The following FHIT variants were observed in gnomAD, a reference collection of about 807,000 sequenced individuals.
The protein encoded by FHIT is bis(5'-adenosyl)-triphosphatase.
FHIT carries 19 observed loss-of-function variants against 17.9 expected under a neutral mutation model. The observed-to-expected ratio is 1.06, with a 90% CI of 0.74 to 1.56. FHIT has a LOEUF of 1.56. Ranked by LOEUF, FHIT falls within the 40% of genes most tolerant of loss-of-function variation. The pLI, the probability that FHIT is intolerant of heterozygous loss-of-function variation, is 0.00. For synonymous variants in FHIT, 81 were observed against 69.7 expected (o/e 1.16, Z -0.81); for missense variants, 248 against 189.2 (o/e 1.31, Z -1.82).
At chr3:60,127,673 C>T (rs1443238526) in intron 5 of FHIT, among the ~76,000 whole-genome samples, 1 of 152,108 alleles carries the variant, frequency 6.6e-6, no homozygotes, top group Admixed American at 6.6e-5. Context: ...ATGATCTAGG[C>T]CCACTGTAGC....
At chr3:61,014,778 T>C (rs1429018664) in intron 3 of FHIT, among the ~76,000 whole-genome samples, 2 of 17,364 alleles carry the variant, frequency 1.2e-4, no homozygotes, top group East Asian at 1.2e-3. Flanking sequence ...AGACTCTGCC[T>C]CAAAAAAAAA....
At chr3:60,145,239 G>A (rs1453869768) in intron 5 of FHIT, among the ~76,000 whole-genome samples, 1 of 152,028 alleles carries the variant, frequency 6.6e-6, no homozygotes, top group Non-Finnish European at 1.5e-5. Flanking sequence ...GAATACACAA[G>A]GTTTTTTGTC....
At position 60,743,051 on chromosome 3, in the gene FHIT, C is replaced by T. The variant is rs2042271036; in HGVS notation, c.-18+78868G>A. 3.3e-5 allele frequency among the ~76,000 whole-genome samples: 5 copies of T among 152,290 alleles called. No individual in the cohort carries two copies. The South Asian group carries it at 1.0e-3, about 32-fold the overall frequency. The stretch of plus-strand genomic sequence containing the variant: ...GAGAGTTCACCCTTGCTCCCTCTGG[C>T]GGGAATCAGCAGAACAGAGCGGGAG... On this transcript the variant is annotated intron_variant, in intron 4 of 9. Coordinates refer to ENST00000492590, the MANE Select transcript of FHIT (RefSeq NM_002012.4).
intron 5 of FHIT, among the ~76,000 whole-genome samples, chr3:60,448,266 T>A (rs532214064): frequency 7.2e-5 from 11 of 152,148 alleles, no homozygotes; most frequent in Admixed American, 3.9e-4. Context: ...GGTATCAAGT[T>A]TGGCACACAT....
intron 4 of FHIT, among the ~76,000 whole-genome samples, chr3:60,554,786 T>A (rs1239512915): frequency 1.3e-5 from 2 of 152,232 alleles, no homozygotes; most frequent in African/African-American, 4.8e-5. Flanking sequence ...TACAACATAA[T>A]AATTACTATT....
At chr3:60,423,661 C>A (rs1702557654) in intron 5 of FHIT, among the ~76,000 whole-genome samples, 1 of 152,040 alleles carries the variant, frequency 6.6e-6, no homozygotes, top group African/African-American at 2.4e-5. Flanking sequence ...GCATTTAAGG[C>A]AATGGCGCAA....
At position 60,923,920 on chromosome 3, in the gene FHIT, C is replaced by A. The variant is rs188169971; in HGVS notation, c.-110-101909G>T. On this transcript the variant is annotated intron_variant, in intron 3 of 9. Transcript: ENST00000492590. Reference sequence around the variant, plus strand: ...CACATCAGGAGATTATATCCTGCACCTGGCTAGGAGGGTCCTACGCCCATG... The same window carrying A: ...CACATCAGGAGATTATATCCTGCACATGGCTAGGAGGGTCCTACGCCCATG... 1.4e-4 allele frequency among the ~76,000 whole-genome samples: 22 copies of A among 152,332 alleles called. 1 individual carries two copies. The highest frequency in any genetic ancestry group is 2.0e-4 in the Admixed American group (3 of 15,306).
At chr3:60,149,984 GCCTTT>G (rs771876705) in intron 5 of FHIT, among the ~76,000 whole-genome samples, 2 of 78,370 alleles carry the variant, frequency 2.6e-5, no homozygotes, top group African/African-American at 4.8e-5. Context: ...AAACCTTTAA[GCCTTT>G]TTTTTTTTTT....
In FHIT at chr3:60,767,041, C is replaced by T. The variant is rs529133026; in HGVS notation, c.-18+54878G>A. On this transcript the variant is annotated intron_variant, in intron 4 of 9. Transcript: ENST00000492590. Reference sequence around the variant, plus strand: ...CTTCAGTTCTTTACTCCAGCATTTCCCACATTTAACTCATCGCTGACCCAT... The same window carrying T: ...CTTCAGTTCTTTACTCCAGCATTTCTCACATTTAACTCATCGCTGACCCAT... 4.6e-5 allele frequency among the ~76,000 whole-genome samples: 7 copies of T among 152,248 alleles called. No individual in the cohort carries two copies. In the East Asian group the frequency reaches 1.4e-3, roughly 29 times the overall value.
intron 5 of FHIT, among the ~76,000 whole-genome samples, chr3:60,148,013 A>T (rs1418713726): frequency 6.6e-6 from 1 of 152,206 alleles, no homozygotes; most frequent in Non-Finnish European, 1.5e-5. Context: ...ATAGTAAATT[A>T]TTCTTTCCAT....
chr3:60,051,444 T>A (rs1361433057), intron 5 of FHIT, among the ~76,000 whole-genome samples: 2 of 151,504 alleles, frequency 1.3e-5, no homozygotes, highest in African/African-American at 4.8e-5. Context: ...GAGGCAGGAT[T>A]TGACTGAGGA....
chr3:60,145,482 T>C (rs2107313611), intron 5 of FHIT, among the ~76,000 whole-genome samples: 1 of 152,298 alleles, frequency 6.6e-6, no homozygotes, highest in East Asian at 1.9e-4. Context: ...TGCCTCCAAT[T>C]TAGTTCAGAT....
chr3:61,040,627 T>C (rs866938469), intron 3 of FHIT, among the ~76,000 whole-genome samples: 2 of 152,136 alleles, frequency 1.3e-5, no homozygotes, highest in Non-Finnish European at 2.9e-5. Context: ...GATGAAGGGA[T>C]CTACACAGAA....
chr3:60,415,805 C>T (rs1702225621), intron 5 of FHIT, among the ~76,000 whole-genome samples: 1 of 149,462 alleles, frequency 6.7e-6, no homozygotes, highest in Non-Finnish European at 1.5e-5. Context: ...TTCTCTGAGC[C>T]TCACTTTCCT....
intron 5 of FHIT, among the ~76,000 whole-genome samples, chr3:60,529,064 G>C (rs1455612156): frequency 1.3e-5 from 2 of 152,206 alleles, no homozygotes; most frequent in African/African-American, 4.8e-5. Context: ...CACAAAGATA[G>C]TTTAGATTGC....
intron 5 of FHIT, among the ~76,000 whole-genome samples, chr3:60,136,772 C>T (rs557853481): frequency 5.3e-4 from 80 of 152,280 alleles, no homozygotes; most frequent in African/African-American, 1.8e-3. Flanking sequence ...GCCCCTCTCA[C>T]GAGGCCATGT....
intron 4 of FHIT, among the ~76,000 whole-genome samples, chr3:60,622,011 G>C (rs781801138): frequency 6.6e-6 from 1 of 152,024 alleles, no homozygotes; most frequent in East Asian, 1.9e-4. Context: ...TTAAGGATTT[G>C]AGCTCTCTTA....
At chr3:60,345,178 GTCC>G (rs149339541) in intron 5 of FHIT, among the ~76,000 whole-genome samples, 2,863 of 152,154 alleles carry the variant, frequency 0.019, 81 homozygotes, top group African/African-American at 0.065. Context: ...GATATATGTT[GTCC>G]TCCTATTAGG....
chr3:60,331,128 T>C (rs1015942749), intron 5 of FHIT, among the ~76,000 whole-genome samples: 3 of 152,162 alleles, frequency 2.0e-5, no homozygotes, highest in African/African-American at 7.2e-5. Context: ...TCACCTACAC[T>C]ATGCTCTAGA....
Sources: gnomAD v4.1 joint callset for allele counts (sites outside exome capture counted in the v4.1 genomes callset) on GRCh38, gnomAD v4.1.1 for gene constraint, MANE v1.5 for transcripts, NCBI Gene and HGNC (gene_info 2026-07-23, HGNC 2026-07-21) for gene names.